The following ITGA2B variants were observed in gnomAD, a reference collection of about 807,000 sequenced individuals.
ITGA2B encodes integrin subunit alpha 2b.
In ITGA2B, 91 loss-of-function variants were observed where a neutral mutation model predicts 142.0. The observed-to-expected ratio is 0.64, with a 90% CI of 0.54 to 0.76. ITGA2B has a LOEUF of 0.76. ITGA2B is among the 30% of genes least tolerant of loss of function. The pLI is 0.00. For missense variants in ITGA2B, 1,231 were observed against 1,350.8 expected (o/e 0.91, Z 1.39); for synonymous variants, 536 against 567.2 (o/e 0.94, Z 0.78).
At chr17:44,373,435 C>T (rs2048513652) in intron 29 of ITGA2B, among the ~76,000 whole-genome samples, 2 of 152,196 alleles carry the variant, frequency 1.3e-5, no homozygotes, top group African/African-American at 4.8e-5. Context: ...CACGCCCAGC[C>T]TGGAATTTTT....
chr17:44,388,803 C>T (rs1330141544), intron 1 of ITGA2B, among the ~76,000 whole-genome samples: 2 of 149,974 alleles, frequency 1.3e-5, no homozygotes, highest in Non-Finnish European at 3.0e-5. Flanking sequence ...AGGTGTGAGC[C>T]ACTGTGCCTG....
chr17:44,385,878 G>C lies in ITGA2B; in HGVS notation c.354C>G (p.Phe118Leu), dbSNP rs761165048. Reference sequence around the variant, plus strand: ...ACGCCCCCAGTCCTTGGCGGGCCTTGAAGGTTTGTAAAGTTTGGGAGCCTA... The same window carrying C: ...ACGCCCCCAGTCCTTGGCGGGCCTTCAAGGTTTGTAAAGTTTGGGAGCCTA... The part of the protein sequence containing the change: ...RNVGSQTLQT[F>L]KARQGLGASV... Residue 118 changes from phenylalanine to leucine, a missense_variant, in exon 3 of 30, where the codon TTC becomes TTG. By Grantham distance (22) the Phe-to-Leu change is conservative (BLOSUM62 0). Transcript: ENST00000262407. 3 of 1,608,730 alleles carry C rather than the reference G, an allele frequency of 1.9e-6. No homozygotes were observed. Among genetic ancestry groups the C allele is most frequent in the Admixed American group, 1.7e-5 (1 of 59,096 alleles).
At chr17:44,383,432 C>G in intron 12 of ITGA2B, 61 bp downstream of exon 12, 2 of 1,511,480 alleles carry the variant, frequency 1.3e-6, no homozygotes, top group Non-Finnish European at 1.8e-6. Context: ...CAGGCCAACT[C>G]CATGCTTTTT....
chr17:44,383,563 G>A lies in ITGA2B; in HGVS notation c.1140C>T (p.Gly380=). ...ALGAPSLLLT[G]TQLYGRFGSA... ...AGCCGAATCGCCCATAGAGCTGTGTGCCAGTCAGCAGGAGGCTGGGGGCAC... is the reference window on the plus strand; with the variant it reads ...AGCCGAATCGCCCATAGAGCTGTGTACCAGTCAGCAGGAGGCTGGGGGCAC... Residue 380 remains glycine, a synonymous_variant, in exon 12 of 30, where the codon GGC becomes GGT. Transcript: ENST00000262407. The A allele has an allele frequency of 6.2e-7, 1 of 1,612,072 alleles. No homozygotes were observed. The highest frequency in any genetic ancestry group is 8.5e-7 in the Non-Finnish European group (1 of 1,179,880).
In ITGA2B at chr17:44,380,230, C is replaced by A. The variant is rs199614885; in HGVS notation, c.1600+16G>T. 1.5e-4 allele frequency: 240 copies of A among 1,614,164 alleles called. No individual in the cohort carries two copies. In the African/African-American group the frequency reaches 2.9e-3, roughly 19 times the overall value. ...GTCCAAGCCCACCTCCCTCCTGCCC[C>A]CTTCATGCCACTCACATAGCTTCTG... On this transcript the variant is annotated intron_variant, in intron 16 of 29. Coordinates refer to ENST00000262407, the MANE Select transcript of ITGA2B (RefSeq NM_000419.5).
intron 21 of ITGA2B, 79 bp downstream of exon 21, chr17:44,377,619 G>C (rs1209046908): frequency 9.6e-7 from 1 of 1,037,290 alleles, no homozygotes; most frequent in Admixed American, 1.7e-5. Context: ...GAACTATGTG[G>C]CTCTAAAACC....
intron 29 of ITGA2B, 43 bp downstream of exon 29, chr17:44,374,311 A>G: frequency 6.4e-7 from 1 of 1,560,656 alleles, no homozygotes; most frequent in Non-Finnish European, 8.8e-7. Flanking sequence ...GGCAGAGCCA[A>G]GCCTGTGCCC....
At position 44,378,352 on chromosome 17, in the gene ITGA2B, G is replaced by A; in HGVS notation, c.2094+10C>T. 4 of 1,607,780 alleles carry A rather than the reference G, an allele frequency of 2.5e-6. No individual in the cohort carries two copies. Among genetic ancestry groups the A allele is most frequent in the South Asian group, 2.2e-5 (2 of 90,488 alleles). ...GGTCCCGGGTACTGTTCCCAGGGTG[G>A]GGGCCATACCTCGACATTGCTTAGG... On this transcript the variant is annotated intron_variant, in intron 20 of 29. Coordinates refer to ENST00000262407, the MANE Select transcript of ITGA2B (RefSeq NM_000419.5).
rs532919575 is a variant in ITGA2B at position 44,388,518 on chromosome 17, G to A, written c.188+768C>T. 6.7e-5 allele frequency among the ~76,000 whole-genome samples: 10 copies of A among 148,830 alleles called. No homozygotes were observed. The South Asian group carries it at 1.1e-3, about 16-fold the overall frequency. ...ATTACAAGCATGCGGCACCACGCCCGGCTAATTTTTTTTTTTTTGAGACGG... is the reference window on the plus strand; with the variant it reads ...ATTACAAGCATGCGGCACCACGCCCAGCTAATTTTTTTTTTTTTGAGACGG... On this transcript the variant is annotated intron_variant, in intron 1 of 29. Transcript: ENST00000262407.
rs1462045231 is a variant in ITGA2B, at chr17:44,383,669, A to G, written c.1034T>C (p.Met345Thr). The change falls in exon 12 of 30, where the codon ATG (methionine) becomes ACG (threonine). Residue 345 changes from methionine (M) to threonine (T), a missense_variant. Around this residue, in one of 3 missense-constraint regions of ITGA2B, gnomAD observed 908 missense variants for 1,021.1 expected, o/e 0.89. Transcript: ENST00000262407. ...HDLLVGAPLY[M>T]ESRADRKLAE... ...CAGTTTTCGGTCTGCCCGGCTCTCCATATACAGTGGAGCGCCCACCAGCAG... is the reference window on the plus strand; with the variant it reads ...CAGTTTTCGGTCTGCCCGGCTCTCCGTATACAGTGGAGCGCCCACCAGCAG... The G allele has an allele frequency of 1.9e-6, 3 of 1,592,172 alleles. No individual in the cohort carries two copies. Among genetic ancestry groups the G allele is most frequent in the South Asian group, 1.1e-5 (1 of 87,800 alleles).
intron 27 of ITGA2B, 33 bp downstream of exon 27, chr17:44,374,965 G>C: frequency 1.4e-6 from 2 of 1,398,378 alleles, no homozygotes; most frequent in Non-Finnish European, 2.0e-6. Flanking sequence ...CCGCCCAGAA[G>C]GCCCGGCCCC....
At chr17:44,377,564 C>A in intron 21 of ITGA2B, 134 bp downstream of exon 21, 1 of 712,898 alleles carries the variant, frequency 1.4e-6, no homozygotes, top group Non-Finnish European at 2.5e-6. Context: ...GTCACTCACC[C>A]AAGGACATGT....
intron 18 of ITGA2B, 95 bp from the exon 19 acceptor site, chr17:44,378,805 A>T (rs1330562580): frequency 1.5e-5 from 17 of 1,107,432 alleles, no homozygotes; most frequent in Non-Finnish European, 2.3e-5. Flanking sequence ...TGGGGTTCAC[A>T]TAGGGGCTTA....
At chr17:44,379,891 C>T (rs2048578847) in intron 17 of ITGA2B, 77 bp from the exon 18 acceptor site, 6 of 1,612,628 alleles carry the variant, frequency 3.7e-6, no homozygotes, top group South Asian at 2.2e-5. Context: ...GCACCGTGTC[C>T]TGACCACCCC....
rs1308984999 is a variant in ITGA2B, at chr17:44,377,808, CAAGA to C, written c.2095-22_2095-19del. On this transcript the variant is annotated intron_variant, in intron 20 of 29. Transcript: ENST00000262407. The stretch of plus-strand genomic sequence containing the variant: ...TCAAAGCCCTTCAGGAAGGCAGTTC[CAAGA>C]AAGAAATTACAGAGCATCATATATA... 7.0e-7 allele frequency: 1 copy of C among 1,418,828 alleles called. No individual in the cohort carries two copies. The allele number at this position is 1,418,828 out of a possible 1,614,324, so 87.9% of individuals were successfully genotyped here. A position where few individuals can be genotyped will look rare whatever the true frequency, so the allele number is the denominator to read the frequency against.
chr17:44,375,057 G>A lies in ITGA2B; in HGVS notation c.2782C>T (p.Arg928Cys), dbSNP rs763637665. Residue 928 changes from arginine to cysteine, a missense_variant, in exon 27 of 30, where the codon CGC becomes TGC. Physicochemically the swap from Arg to Cys is radical, Grantham distance 180. Transcript: ENST00000262407. ...ACCGTGACCATGGCCCGCTGCCCGCGCGCCATCTCCTGCAGGTCACACTGC... is the reference window on the plus strand; with the variant it reads ...ACCGTGACCATGGCCCGCTGCCCGCACGCCATCTCCTGCAGGTCACACTGC... Reference protein sequence around the residue: ...VVQCDLQEMARGQRAMVTVLA... With the variant: ...VVQCDLQEMACGQRAMVTVLA... 19 of 1,546,826 alleles carry A rather than the reference G, an allele frequency of 1.2e-5. No individual in the cohort carries two copies. The South Asian group carries it at 1.7e-4, about 14-fold the overall frequency.
chr17:44,377,815 G>T, intron 20 of ITGA2B, 25 bp from the exon 21 acceptor site: 1 of 1,322,466 alleles, frequency 7.6e-7, no homozygotes, highest in Non-Finnish European at 1.0e-6. Flanking sequence ...TTCCAAGAAA[G>T]AAATTACAGA....
At chr17:44,382,548 C>T (rs1306727417) in intron 12 of ITGA2B, among the ~76,000 whole-genome samples, 3 of 151,680 alleles carry the variant, frequency 2.0e-5, no homozygotes, top group Non-Finnish European at 4.4e-5. Flanking sequence ...CTTGCTCTGT[C>T]ACCCAGGCTG....
intron 1 of ITGA2B, among the ~76,000 whole-genome samples, chr17:44,386,767 T>C (rs2048652927): frequency 1.3e-5 from 2 of 152,128 alleles, no homozygotes; most frequent in Non-Finnish European, 2.9e-5. Flanking sequence ...TAACAAACGC[T>C]CTTGAAACAA....
Sources: allele counts gnomAD v4.1 joint callset (sites outside exome capture counted in the v4.1 genomes callset), GRCh38; gene constraint gnomAD v4.1.1; regional missense constraint gnomAD v4.1.1; transcripts MANE v1.5; gene names NCBI Gene and HGNC (gene_info 2026-07-23, HGNC 2026-07-21).